The following IGSF11 variants were observed in gnomAD, a reference collection of about 807,000 sequenced individuals.
IGSF11 encodes immunoglobulin superfamily member 11.
IGSF11 carries 22 observed loss-of-function variants against 41.0 expected under a neutral mutation model. That is an observed-to-expected ratio of 0.54 (90% confidence interval 0.38 to 0.77). IGSF11 has a LOEUF of 0.77. IGSF11 is among the 30% of genes least tolerant of loss of function. The pLI is 0.00. For synonymous variants in IGSF11, 219 were observed against 201.3 expected (o/e 1.09, Z -0.74); for missense variants, 444 against 530.8 (o/e 0.84, Z 1.61).
In IGSF11 at chr3:118,928,682, C is replaced by A. The variant is rs756967137; in HGVS notation, c.251G>T (p.Gly84Val). 7 of 1,613,794 alleles carry A rather than the reference C, an allele frequency of 4.3e-6. No homozygotes were observed. The highest frequency in any genetic ancestry group is 4.2e-6 in the Non-Finnish European group (5 of 1,179,936). The stretch of plus-strand genomic sequence containing the variant: ...TACCCTACCGTGGAACCGGGGGGCA[C>A]CATCAAACATCTGTCCACCCTGATA... ...ILYQGGQMFDGAPRFHGRVGF... is the reference protein window; with the variant it reads ...ILYQGGQMFDVAPRFHGRVGF... Residue 84 changes from glycine to valine, a missense_variant, in exon 3 of 7, where the codon GGT becomes GTT. Gly to Val is a moderately radical substitution (Grantham distance 109). This residue lies in a region of IGSF11 where 193 missense variants were observed against 283.5 expected (regional missense o/e 0.68). Coordinates refer to ENST00000393775, the MANE Select transcript of IGSF11 (RefSeq NM_001015887.3).
chr3:119,003,132 A>G (rs1462468369), intron 1 of IGSF11, among the ~76,000 whole-genome samples: 4 of 138,650 alleles, frequency 2.9e-5, no homozygotes, highest in African/African-American at 1.2e-4. Context: ...ATTTGTTTGT[A>G]TCCTCTTTTA....
At chr3:118,916,536 C>A (rs913300392) in intron 4 of IGSF11, among the ~76,000 whole-genome samples, 5 of 151,498 alleles carry the variant, frequency 3.3e-5, no homozygotes, top group African/African-American at 4.9e-5. Flanking sequence ...GTAAAGGGAT[C>A]AATTCAACAA....
intron 1 of IGSF11, among the ~76,000 whole-genome samples, chr3:119,128,913 C>T (rs2077439919): frequency 6.6e-6 from 1 of 152,134 alleles, no homozygotes; most frequent in South Asian, 2.1e-4. Flanking sequence ...TGGAACCAAC[C>T]CAAATTCCCA....
chr3:119,094,082 T>C (rs2076807980), intron 1 of IGSF11, among the ~76,000 whole-genome samples: 1 of 151,638 alleles, frequency 6.6e-6, no homozygotes. Context: ...AGCAGGAATA[T>C]ATTGGCCGAG....
intron 1 of IGSF11, among the ~76,000 whole-genome samples, chr3:118,955,528 T>A (rs1433222645): frequency 2.0e-5 from 3 of 152,170 alleles, no homozygotes; most frequent in Non-Finnish European, 4.4e-5. Context: ...TTAGCTGTCA[T>A]GAAAACAACA....
At chr3:119,114,621 G>T (rs2077231092) in intron 1 of IGSF11, among the ~76,000 whole-genome samples, 1 of 152,134 alleles carries the variant, frequency 6.6e-6, no homozygotes, top group Non-Finnish European at 1.5e-5. Context: ...CAGCATTTTG[G>T]TTACAATAGT....
chr3:119,089,226 A>G (rs528532276), intron 1 of IGSF11, among the ~76,000 whole-genome samples: 30 of 152,306 alleles, frequency 2.0e-4, no homozygotes, highest in African/African-American at 7.2e-4. Flanking sequence ...AAAAGTTAAT[A>G]CACGACAATC....
At chr3:118,935,373 T>TAC (rs1369215859) in intron 1 of IGSF11, among the ~76,000 whole-genome samples, 13 of 112,948 alleles carry the variant, frequency 1.2e-4, no homozygotes, top group African/African-American at 3.4e-4. Flanking sequence ...CCCTGAGATA[T>TAC]ATACACACAC....
intron 1 of IGSF11, among the ~76,000 whole-genome samples, chr3:119,060,463 T>A (rs1361399931): frequency 7.5e-6 from 1 of 133,660 alleles, no homozygotes; most frequent in African/African-American, 2.8e-5. Context: ...GTGATGGGTG[T>A]ACATTTCACA....
chr3:119,141,323 G>A (rs933903702), intron 1 of IGSF11, among the ~76,000 whole-genome samples: 6 of 150,934 alleles, frequency 4.0e-5, no homozygotes, highest in African/African-American at 7.3e-5. Context: ...AGCAACAAAG[G>A]TCCCAAATCA....
intron 1 of IGSF11, chr3:118,983,338 G>A (rs1934935357): frequency 6.6e-6 from 1 of 152,132 alleles, no homozygotes; most frequent in Non-Finnish European, 1.5e-5. Context: ...GTGTGTAAGT[G>A]GGCTAGCTGA....
At chr3:119,112,004 G>A (rs2077171671) in intron 1 of IGSF11, among the ~76,000 whole-genome samples, 1 of 152,208 alleles carries the variant, frequency 6.6e-6, no homozygotes, top group Non-Finnish European at 1.5e-5. Flanking sequence ...TGCCCCCACT[G>A]GGTGGTGCCT....
At chr3:119,001,025 T>C (rs1252030766) in intron 1 of IGSF11, among the ~76,000 whole-genome samples, 4 of 152,174 alleles carry the variant, frequency 2.6e-5, no homozygotes, top group Non-Finnish European at 4.4e-5. Flanking sequence ...GCAGTGTTTT[T>C]GCTGTTCTTC....
At chr3:119,003,702 C>G (rs1288014909) in intron 1 of IGSF11, among the ~76,000 whole-genome samples, 2 of 151,862 alleles carry the variant, frequency 1.3e-5, no homozygotes, top group Non-Finnish European at 2.9e-5. Flanking sequence ...AAGGCTTTTT[C>G]TGCATCTATT....
At chr3:118,975,857 G>T (rs1050234891) in intron 1 of IGSF11, among the ~76,000 whole-genome samples, 8 of 152,028 alleles carry the variant, frequency 5.3e-5, no homozygotes, top group African/African-American at 1.9e-4. Flanking sequence ...ACAGACACTG[G>T]GGACTACTGG....
At chr3:119,037,153 A>G (rs1051547486), upstream of IGSF11, among the ~76,000 whole-genome samples, 5 of 152,250 alleles carry the variant, frequency 3.3e-5, no homozygotes, top group Non-Finnish European at 5.9e-5. Flanking sequence ...GATGAGTTTC[A>G]CCAGCTCTTT....
In IGSF11 at chr3:119,022,615, G is replaced by T. The variant is rs371005228; in HGVS notation, c.52+11916C>A. Among the ~76,000 whole-genome samples, 76 of 152,230 alleles carry T rather than the reference G, an allele frequency of 5.0e-4. 1 individual carries two copies. The highest frequency in any genetic ancestry group is 1.8e-3 in the African/African-American group (75 of 41,538). On this transcript the variant is annotated intron_variant, in intron 1 of 6. Transcript: ENST00000393775. ...CTAAATGCTAGTAAAAAGGGGAAAA[G>T]GTGCGTAACCTCATTAGTAATCAGG...
At chr3:119,130,732 G>A (rs1171906021) in intron 1 of IGSF11, among the ~76,000 whole-genome samples, 1 of 152,130 alleles carries the variant, frequency 6.6e-6, no homozygotes, top group Non-Finnish European at 1.5e-5. Context: ...GCCTCCTGAA[G>A]TGGGTCCCTG....
intron 1 of IGSF11, among the ~76,000 whole-genome samples, chr3:119,033,075 T>C (rs1402802735): frequency 6.6e-6 from 1 of 152,204 alleles, no homozygotes; most frequent in Non-Finnish European, 1.5e-5. Context: ...TCAGATGACC[T>C]TGCAAGGCTG....
Sources: gnomAD v4.1 joint callset for allele counts (sites outside exome capture counted in the v4.1 genomes callset) on GRCh38, gnomAD v4.1.1 for gene constraint, gnomAD v4.1.1 regional missense constraint, MANE v1.5 for transcripts, NCBI Gene and HGNC (gene_info 2026-07-23, HGNC 2026-07-21) for gene names.